The following NCOA5 variants were observed in gnomAD, a reference collection of about 807,000 sequenced individuals.
NCOA5 encodes the protein nuclear receptor coactivator 5.
A neutral mutation model predicts 59.0 loss-of-function variants in NCOA5; 12 were observed. That is an observed-to-expected ratio of 0.20 (90% CI 0.13 to 0.33). NCOA5 has a LOEUF of 0.33. Ranked by LOEUF, NCOA5 falls within the 10% of genes least tolerant of loss-of-function variation. The probability of loss-of-function intolerance (pLI) is 1.00; values close to 1 mark genes in which losing one functional copy is unlikely to be tolerated. For missense variants in NCOA5, 655 were observed against 766.6 expected (o/e 0.85, Z 1.72); for synonymous variants, 270 against 275.5 (o/e 0.98, Z 0.20).
intron 2 of NCOA5, 38 bp from the exon 3 acceptor site, chr20:46,070,574 T>C (rs761050875): frequency 4.4e-6 from 7 of 1,592,262 alleles, no homozygotes; most frequent in South Asian, 2.2e-5. Flanking sequence ...GACAAAGAAA[T>C]TGAAAGTAGC....
chr20:46,064,012 CCCAACAG>C (rs2084795755), intron 6 of NCOA5, among the ~76,000 whole-genome samples: 1 of 152,174 alleles, frequency 6.6e-6, no homozygotes, highest in South Asian at 2.1e-4. Flanking sequence ...GGGAGGCAGG[CCCAACAG>C]CCTCTAGACC....
chr20:46,065,596 G>C (rs1287373593), intron 5 of NCOA5, among the ~76,000 whole-genome samples: 1 of 152,172 alleles, frequency 6.6e-6, no homozygotes, highest in Non-Finnish European at 1.5e-5. Flanking sequence ...ACATGGGTTT[G>C]GATCCCAGCC....
intron 4 of NCOA5, 25 bp downstream of exon 4, chr20:46,068,477 G>GAATA: frequency 6.2e-7 from 1 of 1,601,678 alleles, no homozygotes; most frequent in South Asian, 1.1e-5. Context: ...TCAATAATAG[G>GAATA]AATAGACTGT....
chr20:46,068,921 A>ATT (rs1213249194), intron 3 of NCOA5, among the ~76,000 whole-genome samples: 2 of 152,218 alleles, frequency 1.3e-5, no homozygotes, highest in African/African-American at 4.8e-5. Flanking sequence ...TTAAAATTAT[A>ATT]TCTAAACGCA....
intron 1 of NCOA5, 80 bp from the exon 2 acceptor site, chr20:46,079,533 A>AC: frequency 8.7e-7 from 1 of 1,152,122 alleles, no homozygotes; most frequent in East Asian, 2.5e-5. Context: ...TGAAAGCAAC[A>AC]ACAACAAAAA....
chr20:46,070,694 G>C (rs1301883291), intron 2 of NCOA5, among the ~76,000 whole-genome samples, 158 bp from the exon 3 acceptor site: 1 of 152,050 alleles, frequency 6.6e-6, no homozygotes, highest in East Asian at 1.9e-4. Context: ...TCATCCATCT[G>C]GTCAGCAAAT....
intron 3 of NCOA5, 32 bp from the exon 4 acceptor site, chr20:46,068,670 A>T (rs1254414720): frequency 1.2e-6 from 2 of 1,600,516 alleles, no homozygotes; most frequent in East Asian, 4.5e-5. Flanking sequence ...CATAAAGATA[A>T]AACTGTGTCT....
At chr20:46,067,621 C>T (rs916540155) in intron 4 of NCOA5, among the ~76,000 whole-genome samples, 1 of 149,888 alleles carries the variant, frequency 6.7e-6, no homozygotes, top group African/African-American at 2.4e-5. Context: ...TTTAAAAGTT[C>T]TTTTTTTAAA....
intron 6 of NCOA5, among the ~76,000 whole-genome samples, chr20:46,064,116 C>A (rs1337739545): frequency 1.3e-5 from 2 of 152,126 alleles, no homozygotes; most frequent in African/African-American, 4.8e-5. Context: ...TTTTTTAATT[C>A]ATCAGTTCAA....
intron 3 of NCOA5, 24 bp downstream of exon 3, chr20:46,070,186 C>T (rs2084866418): frequency 2.5e-6 from 4 of 1,577,492 alleles, no homozygotes; most frequent in African/African-American, 1.4e-5. Flanking sequence ...CAGGAAAAAA[C>T]AAGCAGAGTA....
chr20:46,067,957 G>C (rs1055830367), intron 4 of NCOA5, among the ~76,000 whole-genome samples: 1 of 151,466 alleles, frequency 6.6e-6, no homozygotes, highest in Admixed American at 6.6e-5. Context: ...TTGAGACAGG[G>C]TCTCACTCTG....
chr20:46,085,337 T>C (rs972095921), intron 1 of NCOA5, among the ~76,000 whole-genome samples: 1 of 152,158 alleles, frequency 6.6e-6, no homozygotes, highest in Non-Finnish European at 1.5e-5. Context: ...TGGAGTTCAC[T>C]GTTTATTTAA....
intron 1 of NCOA5, among the ~76,000 whole-genome samples, chr20:46,089,377 C>G (rs1157076213): frequency 6.6e-6 from 1 of 152,256 alleles, no homozygotes; most frequent in African/African-American, 2.4e-5. Context: ...CTGGAGAACG[C>G]CCGGTGCCAC....
chr20:46,080,093 G>A lies in NCOA5; in HGVS notation c.-29-640C>T, dbSNP rs746533251. Among the ~76,000 whole-genome samples the A allele has an allele frequency of 4.7e-5, 7 of 150,400 alleles. No individual in the cohort carries two copies. In the East Asian group the frequency reaches 1.2e-3, roughly 25 times the overall value. The stretch of plus-strand genomic sequence containing the variant: ...CAGATAACCAAGAATAAGGACTGGC[G>A]TTTGGTATAGTAGGGTTAGGTAATA... On this transcript the variant is annotated intron_variant, in intron 1 of 7. Transcript: ENST00000290231.
intron 2 of NCOA5, among the ~76,000 whole-genome samples, chr20:46,071,642 T>G (rs1006315843): frequency 2.6e-5 from 4 of 152,252 alleles, no homozygotes; most frequent in African/African-American, 9.6e-5. Flanking sequence ...CTCTCATTTC[T>G]AATTCAACCT....
At chr20:46,068,747 C>T in intron 3 of NCOA5, 109 bp from the exon 4 acceptor site, 1 of 1,009,454 alleles carries the variant, frequency 9.9e-7, no homozygotes, top group Non-Finnish European at 1.4e-6. Context: ...CTGGGACTCA[C>T]TGCATTATCA....
At chr20:46,085,488 T>C (rs2085036145) in intron 1 of NCOA5, among the ~76,000 whole-genome samples, 1 of 151,328 alleles carries the variant, frequency 6.6e-6, no homozygotes, top group Non-Finnish European at 1.5e-5. Flanking sequence ...AGAATGTGTG[T>C]ATGGAGGGGG....
At chr20:46,076,943 A>T (rs1051709366) in intron 2 of NCOA5, among the ~76,000 whole-genome samples, 5 of 152,096 alleles carry the variant, frequency 3.3e-5, no homozygotes, top group Admixed American at 2.6e-4. Flanking sequence ...TGAGACAGGG[A>T]CTCACTCTGT....
At chr20:46,067,675 T>TA (rs1375847565) in intron 4 of NCOA5, among the ~76,000 whole-genome samples, 7 of 151,986 alleles carry the variant, frequency 4.6e-5, no homozygotes, top group African/African-American at 1.4e-4. Flanking sequence ...AAATTAAAAT[T>TA]AAAAATGAGA....
Sources: allele counts gnomAD v4.1 joint callset (sites outside exome capture counted in the v4.1 genomes callset), GRCh38; gene constraint gnomAD v4.1.1; transcripts MANE v1.5; gene names NCBI Gene and HGNC (gene_info 2026-07-23, HGNC 2026-07-21).